MYOM2: variants seen among roughly 807,000 people sequenced by gnomAD.
The protein encoded by MYOM2 is myomesin-2.
MYOM2 carries 254 observed loss-of-function variants against 187.6 expected under a neutral mutation model. The ratio of observed to expected loss-of-function variants is 1.35; its 90% CI spans 1.22 to 1.50. MYOM2 has a LOEUF of 1.50. Among genes scored for constraint, MYOM2 ranks in the 40% most tolerant of loss-of-function variants. MYOM2 has a pLI of 0.00. For missense variants in MYOM2, 2,796 were observed against 1,924.0 expected (o/e 1.45, Z -8.48); for synonymous variants, 981 against 753.8 (o/e 1.30, Z -4.94).
chr8:2,129,982 T>G (rs1797797284), intron 32 of MYOM2, among the ~76,000 whole-genome samples: 1 of 152,178 alleles, frequency 6.6e-6, no homozygotes, highest in South Asian at 2.1e-4. Context: ...GGACGGTGGC[T>G]TTTTAACGAT....
Position 2,132,738 on chromosome 8 carries a change from A to G in MYOM2, c.3800+3506A>G, listed in dbSNP as rs530506879. Among the ~76,000 whole-genome samples the G allele has an allele frequency of 2.6e-5, 4 of 152,294 alleles. No homozygotes were observed. The South Asian group carries it at 8.3e-4, about 32-fold the overall frequency. On this transcript the variant is annotated intron_variant, in intron 32 of 36. Coordinates refer to ENST00000262113, the MANE Select transcript of MYOM2 (RefSeq NM_003970.4). Reference sequence around the variant, plus strand: ...ACATGCCTCACAGTGTCTTTATGGCATACAAAGAAGTGCATGCTTCAAACT... The same window carrying G: ...ACATGCCTCACAGTGTCTTTATGGCGTACAAAGAAGTGCATGCTTCAAACT...
In MYOM2 at chr8:2,090,125, G is replaced by A. The variant is rs1796246389; in HGVS notation, c.1762G>A (p.Ala588Thr). 6.2e-7 allele frequency: 1 copy of A among 1,614,106 alleles called. No individual in the cohort carries two copies. Among genetic ancestry groups the A allele is most frequent in the South Asian group, 1.1e-5 (1 of 91,072 alleles). The change falls in exon 15 of 37, where the codon GCA becomes ACA. Residue 588 changes from alanine (A) to threonine (T), a missense_variant. By Grantham distance (58) the Ala-to-Thr change is moderately conservative. Transcript: ENST00000262113. The part of the protein sequence containing the change: ...GKSYVFRVLS[A>T]NRHGLSEPSE... Reference sequence around the variant, plus strand: ...GTCTTATGTGTTCCGAGTGCTGTCAGCAAACCGGCATGGCCTGAGCGAACC... The same window carrying A: ...GTCTTATGTGTTCCGAGTGCTGTCAACAAACCGGCATGGCCTGAGCGAACC...
chr8:2,106,326 A>C lies in MYOM2; in HGVS notation c.2819A>C (p.Gln940Pro). 10 of 1,614,218 alleles carry C rather than the reference A, an allele frequency of 6.2e-6. No homozygotes were observed. Among genetic ancestry groups the C allele is most frequent in the Non-Finnish European group, 8.5e-6 (10 of 1,180,016 alleles). Residue 940 changes from glutamine (Q) to proline (P), a missense_variant, in exon 22 of 37, where the codon CAG (glutamine) becomes CCG (proline). Physicochemically the swap from Gln to Pro is moderately conservative, Grantham distance 76. Transcript: ENST00000262113. Reference protein sequence around the residue: ...FDCQEMTDASQFTWCKSYEEI... With the variant: ...FDCQEMTDASPFTWCKSYEEI... Reference sequence around the variant, plus strand: ...TGCCAGGAAATGACAGACGCGTCTCAGTTCACCTGGTGTAAATCCTACGAG... The same window carrying C: ...TGCCAGGAAATGACAGACGCGTCTCCGTTCACCTGGTGTAAATCCTACGAG...
rs1288600226 is a variant in MYOM2 at position 2,052,447 on chromosome 8, G to C, written c.263+134G>C. On this transcript the variant is annotated intron_variant, in intron 3 of 36. Coordinates refer to ENST00000262113, the MANE Select transcript of MYOM2 (RefSeq NM_003970.4). ...AACACAGGCCATGCCTGGGGTGAGA[G>C]GGAGAATGCTGCTGTTTCCCAATCA... 5 of 931,742 alleles carry C rather than the reference G, an allele frequency of 5.4e-6. No homozygotes were observed. In the African/African-American group the frequency reaches 8.5e-5, roughly 16 times the overall value. 57.7% of individuals were successfully genotyped at this position (931,742 alleles called of 1,614,324 possible).
intron 32 of MYOM2, among the ~76,000 whole-genome samples, chr8:2,131,095 G>T (rs1445746767): frequency 6.6e-6 from 1 of 152,098 alleles, no homozygotes. Context: ...CTGGGTCTGG[G>T]GGGTACAGAG....
At chr8:2,088,779 A>G (rs913390056) in intron 14 of MYOM2, among the ~76,000 whole-genome samples, 1 of 152,256 alleles carries the variant, frequency 6.6e-6, no homozygotes, top group African/African-American at 2.4e-5. Flanking sequence ...GCATATACCC[A>G]GTAATGGGAT....
rs34838921 is a variant in MYOM2, at chr8:2,090,013, G to C, written c.1650G>C (p.Val550=). The change falls in exon 15 of 37, where the codon GTG becomes GTC. Residue 550 remains valine, a synonymous_variant. Coordinates refer to ENST00000262113, the MANE Select transcript of MYOM2 (RefSeq NM_003970.4). ...DPLMYFIEKS[V]VGSGSWQRVN... ...GTTTCTGTTTCTCTTTGTAGTCCGT[G>C]GTGGGGAGCGGCAGCTGGCAGAGAG... The C allele has an allele frequency of 5.5e-4, 893 of 1,613,786 alleles. 4 individuals are homozygous for C. In the African/African-American group the frequency reaches 0.01, roughly 19 times the overall value.
intron 8 of MYOM2, among the ~76,000 whole-genome samples, chr8:2,071,975 G>A (rs150331906): frequency 1.5e-4 from 23 of 152,236 alleles, no homozygotes; most frequent in African/African-American, 2.2e-4. Flanking sequence ...TCCTTACACC[G>A]TCCCATTGAG....
At chr8:2,056,680 A>T (rs1450231866) in intron 3 of MYOM2, among the ~76,000 whole-genome samples, 1 of 152,198 alleles carries the variant, frequency 6.6e-6, no homozygotes, top group African/African-American at 2.4e-5. Flanking sequence ...AGGAAAATAA[A>T]TGGCTTTTAT....
chr8:2,102,749 C>T lies in MYOM2; in HGVS notation c.2702C>T (p.Thr901Met), dbSNP rs777488244. 33 of 1,613,834 alleles carry T rather than the reference C, an allele frequency of 2.0e-5. No homozygotes were observed. Among genetic ancestry groups the T allele is most frequent in the African/African-American group, 9.3e-5 (7 of 74,938 alleles). ...NANGVGKPSD[T>M]SEPVLVEARP... Reference sequence around the variant, plus strand: ...AATGGCGTGGGGAAGCCCTCAGACACGTCGGAGCCTGTGCTGGTAGAGGCG... The same window carrying T: ...AATGGCGTGGGGAAGCCCTCAGACATGTCGGAGCCTGTGCTGGTAGAGGCG... Residue 901 changes from threonine to methionine, a missense_variant, in exon 21 of 37, where the codon ACG becomes ATG. Coordinates refer to ENST00000262113, the MANE Select transcript of MYOM2 (RefSeq NM_003970.4).
rs368910727 is a variant in MYOM2 at position 2,106,477 on chromosome 8, T to G, written c.2892-14T>G. The G allele has an allele frequency of 9.9e-6, 16 of 1,610,612 alleles. No individual in the cohort carries two copies. Among genetic ancestry groups the G allele is most frequent in the Non-Finnish European group, 1.2e-5 (14 of 1,177,154 alleles). On this transcript the variant is annotated splice_polypyrimidine_tract_variant and intron_variant, in intron 22 of 36. Transcript: ENST00000262113. ...AGAAATGATCGACATTCACCTACTC[T>G]TCTTCCTTTTTAGCTCCAAGCTGTA...
At chr8:2,071,448 C>T (rs903359730) in intron 8 of MYOM2, among the ~76,000 whole-genome samples, 2 of 152,182 alleles carry the variant, frequency 1.3e-5, no homozygotes, top group African/African-American at 4.8e-5. Context: ...GCTGACGCTT[C>T]TGGATCTAGT....
intron 14 of MYOM2, among the ~76,000 whole-genome samples, chr8:2,089,491 A>G (rs1331627589): frequency 6.6e-6 from 1 of 152,224 alleles, no homozygotes; most frequent in Non-Finnish European, 1.5e-5. Context: ...TCTTTATACA[A>G]TAATTTAAAT....
rs890337635 is a variant in MYOM2, at chr8:2,145,347, G to C, written c.*366G>C. The C allele has an allele frequency of 1.2e-5, 4 of 321,752 alleles. No individual in the cohort carries two copies. In the Admixed American group the frequency reaches 2.1e-4, roughly 17 times the overall value. The allele number at this position is 321,752 out of a possible 1,614,324, so 19.9% of individuals were successfully genotyped here. ...GAAGCCACCGTGCTTCTCTTTGGGG[G>C]GCCGCGAGATCTAGCATCTCTGAAA... On this transcript the variant is annotated 3_prime_UTR_variant, in exon 37 of 37. Coordinates refer to ENST00000262113, the MANE Select transcript of MYOM2 (RefSeq NM_003970.4).
rs1264848218 is a variant in MYOM2, at chr8:2,113,838, C to G, written c.3181-2122C>G. On this transcript the variant is annotated intron_variant, in intron 25 of 36. Transcript: ENST00000262113. ...AGCCCCCTCCAGCTGACTTTCTCAT[C>G]AGAACCTTGTTGGACATGTGTTTGG... 2.0e-5 allele frequency among the ~76,000 whole-genome samples: 3 copies of G among 152,358 alleles called. No homozygotes were observed. The East Asian group carries it at 5.8e-4, about 29-fold the overall frequency.
At chr8:2,132,886 C>G (rs1441760807) in intron 32 of MYOM2, among the ~76,000 whole-genome samples, 2 of 152,190 alleles carry the variant, frequency 1.3e-5, no homozygotes, top group Admixed American at 6.5e-5. Flanking sequence ...GCCTGACACC[C>G]CAGACACCTT....
Position 2,084,172 on chromosome 8 carries a change from C to T in MYOM2, c.1517-1091C>T, listed in dbSNP as rs972390927. On this transcript the variant is annotated intron_variant, in intron 13 of 36. Coordinates refer to ENST00000262113, the MANE Select transcript of MYOM2 (RefSeq NM_003970.4). ...GGTATCTAGGTGTGGACACGGTGCA[C>T]GGGTGGAGAGCAGGCCTGTGGGGTG... 5.3e-5 allele frequency among the ~76,000 whole-genome samples: 8 copies of T among 152,238 alleles called. No individual in the cohort carries two copies. In the East Asian group the frequency reaches 7.7e-4, roughly 15 times the overall value.
chr8:2,087,594 A>C (rs939857396), intron 14 of MYOM2, among the ~76,000 whole-genome samples: 1 of 152,116 alleles, frequency 6.6e-6, no homozygotes, highest in Admixed American at 6.5e-5. Flanking sequence ...TACCAGAAAC[A>C]CCAAGTTTGC....
intron 32 of MYOM2, among the ~76,000 whole-genome samples, chr8:2,137,023 T>C (rs1455979518): frequency 2.6e-5 from 4 of 152,050 alleles, no homozygotes; most frequent in African/African-American, 9.7e-5. Context: ...ATTTTGGGGC[T>C]GTTTGCAATT....
Sources: gnomAD v4.1 joint callset for allele counts (sites outside exome capture counted in the v4.1 genomes callset) on GRCh38, gnomAD v4.1.1 for gene constraint, MANE v1.5 for transcripts, NCBI Gene and HGNC (gene_info 2026-07-23, HGNC 2026-07-21) for gene names.